Variants in PPARGC1A observed in about 807,000 individuals in gnomAD.
PPARGC1A encodes the protein peroxisome proliferator-activated receptor gamma coactivator 1-alpha.
A neutral mutation model predicts 88.7 loss-of-function variants in PPARGC1A; 25 were observed. The observed-to-expected ratio is 0.28, with a 90% CI of 0.21 to 0.39. The LOEUF is 0.39. PPARGC1A is among the 10% of genes least tolerant of loss of function. PPARGC1A has a pLI of 1.00. For synonymous variants in PPARGC1A, 363 were observed against 355.6 expected, an observed-to-expected ratio of 1.02 and a Z score of -0.24; for missense variants, 880 against 968.7, an observed-to-expected ratio of 0.91 and a Z score of 1.22.
At chr4:24,133,360 T>C in the PPARGC1A span, among the ~76,000 whole-genome samples, 1 of 152,208 alleles carries the variant, frequency 6.6e-6, no homozygotes, top group South Asian at 2.1e-4. Context: ...AGTCTAGTCA[T>C]GGGTTTTATC....
the PPARGC1A span, among the ~76,000 whole-genome samples, chr4:24,429,984 A>T: frequency 6.6e-6 from 1 of 152,076 alleles, no homozygotes; most frequent in Non-Finnish European, 1.5e-5. Flanking sequence ...GTGACTTCAG[A>T]AGAGTTTTCT....
At chr4:24,375,694 T>A in the PPARGC1A span, among the ~76,000 whole-genome samples, 2 of 152,016 alleles carry the variant, frequency 1.3e-5, no homozygotes, top group Non-Finnish European at 2.9e-5. Context: ...AAACAGAGAC[T>A]AGAGCCAGCA....
At chr4:24,062,248 T>C in the PPARGC1A span, among the ~76,000 whole-genome samples, 3 of 152,222 alleles carry the variant, frequency 2.0e-5, no homozygotes, top group Non-Finnish European at 2.9e-5. Flanking sequence ...ACTATTGTAA[T>C]ACCTGCAGGA....
At chr4:24,454,496 G>A in the PPARGC1A span, among the ~76,000 whole-genome samples, 1 of 152,154 alleles carries the variant, frequency 6.6e-6, no homozygotes, top group Non-Finnish European at 1.5e-5. Context: ...AGCACTTTGA[G>A]AAGCTGAGAT....
chr4:24,175,439 A>G, the PPARGC1A span, among the ~76,000 whole-genome samples: 4 of 146,576 alleles, frequency 2.7e-5, no homozygotes, highest in Admixed American at 6.9e-5. Context: ...TAGTGGCGCA[A>G]TCTCAGCTCA....
the PPARGC1A span, among the ~76,000 whole-genome samples, chr4:24,399,304 G>C: frequency 6.6e-6 from 1 of 152,126 alleles, no homozygotes; most frequent in Non-Finnish European, 1.5e-5. Context: ...CAGAATACCT[G>C]GGCAACCCAC....
At chr4:23,821,955 G>C (rs182332811) in intron 7 of PPARGC1A, among the ~76,000 whole-genome samples, 1 of 152,184 alleles carries the variant, frequency 6.6e-6, no homozygotes, top group Non-Finnish European at 1.5e-5. Context: ...CTTATAAACT[G>C]TTTTACTTCA....
the PPARGC1A span, among the ~76,000 whole-genome samples, chr4:24,092,580 G>C: frequency 8.0e-4 from 122 of 152,072 alleles, no homozygotes; most frequent in East Asian, 0.022. Context: ...CACTTAATAC[G>C]GTAAATTCAC....
the PPARGC1A span, among the ~76,000 whole-genome samples, chr4:24,469,265 A>G: frequency 6.6e-6 from 1 of 152,234 alleles, no homozygotes; most frequent in Non-Finnish European, 1.5e-5. Context: ...AGTTAGGAGC[A>G]GGTTTCTCAA....
the PPARGC1A span, among the ~76,000 whole-genome samples, chr4:23,955,395 C>T: frequency 6.3e-4 from 95 of 150,768 alleles, no homozygotes; most frequent in African/African-American, 2.0e-3. Context: ...ATAAAAATAT[C>T]AAAATAAATT....
the PPARGC1A span, among the ~76,000 whole-genome samples, chr4:24,324,189 G>A: frequency 6.6e-6 from 1 of 152,098 alleles, no homozygotes; most frequent in Non-Finnish European, 1.5e-5. Flanking sequence ...GCTTTTCTGG[G>A]GAAGAGGCAA....
At chr4:24,065,610 A>G in the PPARGC1A span, among the ~76,000 whole-genome samples, 2 of 152,144 alleles carry the variant, frequency 1.3e-5, no homozygotes, top group Non-Finnish European at 2.9e-5. Flanking sequence ...CAGAAGTTGT[A>G]TGAGAAGGAA....
At chr4:24,284,848 G>A in the PPARGC1A span, among the ~76,000 whole-genome samples, 1 of 152,138 alleles carries the variant, frequency 6.6e-6, no homozygotes, top group Non-Finnish European at 1.5e-5. Context: ...CCAGCATGGT[G>A]AAACCCTGTC....
upstream of PPARGC1A, among the ~76,000 whole-genome samples, chr4:23,900,532 T>C (rs1719211311): frequency 6.6e-6 from 1 of 152,248 alleles, no homozygotes; most frequent in South Asian, 2.1e-4. Context: ...ATATAATAGC[T>C]ACTCCATAAT....
At chr4:23,860,489 G>A (rs1457194728) in intron 2 of PPARGC1A, among the ~76,000 whole-genome samples, 1 of 152,130 alleles carries the variant, frequency 6.6e-6, no homozygotes, top group South Asian at 2.1e-4. Flanking sequence ...GTAACTATGT[G>A]AGGTGATGGA....
At chr4:24,238,060 G>T in the PPARGC1A span, among the ~76,000 whole-genome samples, 1 of 152,210 alleles carries the variant, frequency 6.6e-6, no homozygotes. Context: ...AAGTCACACA[G>T]ATAATAAGCG....
Position 23,814,182 on chromosome 4 carries a change from A to C in PPARGC1A, c.1301T>G (p.Leu434Arg). 3.1e-6 allele frequency: 5 copies of C among 1,614,110 alleles called. No homozygotes were observed. Among genetic ancestry groups the C allele is most frequent in the Non-Finnish European group, 4.2e-6 (5 of 1,180,002 alleles). The change falls in exon 8 of 13, where the codon CTG becomes CGG. Residue 434 changes from leucine to arginine, a missense_variant. Leu to Arg is a moderately radical substitution (Grantham distance 102). Coordinates refer to ENST00000264867, the MANE Select transcript of PPARGC1A (RefSeq NM_013261.5). ...CSSTDSDQCY[L>R]RETLEASKQV... is the part of the protein sequence containing the mutation. Reference sequence around the variant, plus strand: ...CTTGCTTGCCTCCAAAGTCTCTCTCAGGTAGCACTGGTCTGAATCTGTGGA... The same window carrying C: ...CTTGCTTGCCTCCAAAGTCTCTCTCCGGTAGCACTGGTCTGAATCTGTGGA...
chr4:23,822,118 AG>A (rs1350202562), intron 7 of PPARGC1A, among the ~76,000 whole-genome samples: 1 of 152,144 alleles, frequency 6.6e-6, no homozygotes, highest in Non-Finnish European at 1.5e-5. Flanking sequence ...GGTGTACAAG[AG>A]ATCAAGGATG....
the PPARGC1A span, among the ~76,000 whole-genome samples, chr4:23,944,995 C>T: frequency 1.3e-5 from 2 of 152,174 alleles, no homozygotes; most frequent in Admixed American, 6.5e-5. Flanking sequence ...GGGCAAGTAA[C>T]TTCACAGCGC....
Sources: gnomAD v4.1 joint callset for allele counts (sites outside exome capture counted in the v4.1 genomes callset) on GRCh38, gnomAD v4.1.1 for gene constraint, MANE v1.5 for transcripts, NCBI Gene and HGNC (gene_info 2026-07-23, HGNC 2026-07-21) for gene names.